SCAI: variants seen among roughly 807,000 people sequenced by gnomAD.
SCAI encodes the protein suppressor of cancer cell invasion.
Under a neutral mutation model 92.2 loss-of-function variants are expected in SCAI, and 24 were observed. That is an observed-to-expected ratio of 0.26 (90% CI 0.19 to 0.37). The LOEUF is 0.37. SCAI is among the 10% of genes least tolerant of loss of function. The pLI, the probability that SCAI is intolerant of heterozygous loss-of-function variation, is 1.00. For missense variants in SCAI, 450 were observed against 736.2 expected (o/e 0.61, Z 4.50); for synonymous variants, 261 against 258.6 (o/e 1.01, Z -0.09).
intron 3 of SCAI, among the ~76,000 whole-genome samples, chr9:125,045,223 G>A (rs1044428978): frequency 4.6e-5 from 7 of 152,134 alleles, no homozygotes; most frequent in Non-Finnish European, 7.4e-5. Context: ...GCACCACCAT[G>A]CCTGGCTAAT....
chr9:124,987,178 C>T (rs1375880519), intron 14 of SCAI, among the ~76,000 whole-genome samples: 1 of 152,034 alleles, frequency 6.6e-6, no homozygotes, highest in Non-Finnish European at 1.5e-5. Context: ...CATGTGCCAC[C>T]ATGCCTAGCT....
intron 1 of SCAI, 108 bp downstream of exon 1, chr9:125,143,277 C>CA: frequency 1.5e-6 from 1 of 670,972 alleles, no homozygotes; most frequent in Admixed American, 4.5e-5. Flanking sequence ...CCCCCCGCCC[C>CA]TCCGGTCTCT....
intron 14 of SCAI, among the ~76,000 whole-genome samples, 187 bp downstream of exon 14, chr9:124,994,744 TTTC>T (rs1336778341): frequency 6.6e-6 from 1 of 152,196 alleles, no homozygotes; most frequent in Non-Finnish European, 1.5e-5. Flanking sequence ...ATTCATGCGT[TTTC>T]TTCTTGTTTC....
At chr9:124,964,962 T>G (rs1831509326) in intron 17 of SCAI, among the ~76,000 whole-genome samples, 1 of 151,834 alleles carries the variant, frequency 6.6e-6, no homozygotes, top group Admixed American at 6.6e-5. Flanking sequence ...AATCCTGGTG[T>G]TCACTTCTCT....
intron 2 of SCAI, among the ~76,000 whole-genome samples, chr9:125,059,232 T>C (rs1028007168): frequency 6.6e-6 from 1 of 152,188 alleles, no homozygotes; most frequent in Non-Finnish European, 1.5e-5. Flanking sequence ...AGTCTAATCA[T>C]GAGGAAACAG....
At chr9:125,119,282 G>A (rs886305064) in intron 2 of SCAI, among the ~76,000 whole-genome samples, 1 of 152,192 alleles carries the variant, frequency 6.6e-6, no homozygotes, top group African/African-American at 2.4e-5. Flanking sequence ...AGAGGATACT[G>A]CCTTCACGGT....
intron 9 of SCAI, among the ~76,000 whole-genome samples, chr9:125,004,865 T>C (rs10819023): frequency 0.66 from 90,063 of 136,862 alleles, 30,289 homozygotes; most frequent in African/African-American, 0.76. Flanking sequence ...CTCGGCTCAC[T>C]GCAACCTCCT....
intron 2 of SCAI, among the ~76,000 whole-genome samples, chr9:125,072,599 A>G (rs643228): frequency 0.41 from 62,389 of 151,962 alleles, 13,166 homozygotes; most frequent in East Asian, 0.53. Flanking sequence ...TATTGAATAC[A>G]TCCATAGCAT....
chr9:125,035,512 G>T (rs530832609), intron 3 of SCAI, among the ~76,000 whole-genome samples: 9 of 152,116 alleles, frequency 5.9e-5, no homozygotes, highest in Non-Finnish European at 1.0e-4. Flanking sequence ...AAGTCAGACT[G>T]GCTTGGTACC....
chr9:124,996,465 C>T (rs552013552), intron 13 of SCAI, among the ~76,000 whole-genome samples: 3 of 151,962 alleles, frequency 2.0e-5, no homozygotes, highest in Admixed American at 2.0e-4. Flanking sequence ...CAACGCCTGG[C>T]TCATTTTTTA....
At chr9:125,138,662 C>T (rs1835598827) in intron 2 of SCAI, among the ~76,000 whole-genome samples, 1 of 152,112 alleles carries the variant, frequency 6.6e-6, no homozygotes, top group Non-Finnish European at 1.5e-5. Flanking sequence ...GATCCGCCCG[C>T]CTTGGCCTCC....
chr9:125,029,029 C>G (rs749924493), intron 4 of SCAI, among the ~76,000 whole-genome samples: 4 of 152,142 alleles, frequency 2.6e-5, no homozygotes, highest in Admixed American at 6.6e-5. Context: ...AACTCCTAAC[C>G]TCAAGTTATC....
chr9:125,056,448 G>C (rs887738983), intron 2 of SCAI, among the ~76,000 whole-genome samples: 3 of 152,086 alleles, frequency 2.0e-5, no homozygotes, highest in African/African-American at 4.8e-5. Flanking sequence ...CTGGGTGACA[G>C]AGCGAGACAC....
At position 125,004,994 on chromosome 9, in the gene SCAI, G is replaced by A. The variant is rs926883894; in HGVS notation, c.862-1424C>T. Among the ~76,000 whole-genome samples the A allele has an allele frequency of 4.6e-5, 7 of 150,538 alleles. No individual in the cohort carries two copies. The South Asian group carries it at 6.3e-4, about 14-fold the overall frequency. The stretch of plus-strand genomic sequence containing the variant: ...GTAGAGATGGGGTTTCTCCATGTTG[G>A]TCAGGCTGGTCTTGAACTCCCGACC... On this transcript the variant is annotated intron_variant, in intron 9 of 17. Transcript: ENST00000336505.
chr9:125,006,584 C>T (rs543396691), intron 9 of SCAI, among the ~76,000 whole-genome samples: 139 of 152,252 alleles, frequency 9.1e-4, no homozygotes, highest in Non-Finnish European at 1.8e-3. Context: ...CTCTGCCTCC[C>T]GGGTTCAAGT....
chr9:125,029,699 A>T lies in SCAI; in HGVS notation c.271T>A (p.Phe91Ile). The part of the protein sequence containing the change: ...QYGQKQWQSY[F>I]GRTFDVYTKL... The stretch of plus-strand genomic sequence containing the variant: ...GTGTAAACATCAAAAGTTCTTCCAA[A>T]ATAGGACTGCCACTGCTTCTGTCCA... Residue 91 changes from phenylalanine (F) to isoleucine (I), a missense_variant, in exon 4 of 18, where the codon TTT (phenylalanine) becomes ATT (isoleucine). Phe to Ile is a conservative substitution (Grantham distance 21). Around this residue, in one of 3 missense-constraint regions of SCAI, gnomAD observed 20 missense variants for 68.2 expected, o/e 0.29. Transcript: ENST00000336505. 1 of 1,613,018 alleles carries T rather than the reference A, an allele frequency of 6.2e-7. No individual in the cohort carries two copies. Among genetic ancestry groups the T allele is most frequent in the Non-Finnish European group, 8.5e-7 (1 of 1,179,228 alleles).
chr9:125,114,066 T>G (rs1834988111), intron 2 of SCAI, among the ~76,000 whole-genome samples: 1 of 152,208 alleles, frequency 6.6e-6, no homozygotes, highest in Admixed American at 6.5e-5. Flanking sequence ...TCAGGTGCCT[T>G]GGGGTATCAC....
At chr9:125,014,855 C>T (rs1348715801) in intron 9 of SCAI, among the ~76,000 whole-genome samples, 2 of 152,142 alleles carry the variant, frequency 1.3e-5, no homozygotes, top group Non-Finnish European at 2.9e-5. Context: ...TGGAACAGAA[C>T]AGAGCCCTCA....
chr9:125,030,755 A>G (rs1833058364), intron 3 of SCAI, among the ~76,000 whole-genome samples: 1 of 152,204 alleles, frequency 6.6e-6, no homozygotes, highest in African/African-American at 2.4e-5. Flanking sequence ...TGATTTATAC[A>G]AAGAGGTTGG....
Sources: gnomAD v4.1 joint callset for allele counts (sites outside exome capture counted in the v4.1 genomes callset) on GRCh38, gnomAD v4.1.1 for gene constraint, gnomAD v4.1.1 regional missense constraint, MANE v1.5 for transcripts, NCBI Gene and HGNC (gene_info 2026-07-23, HGNC 2026-07-21) for gene names.